The following MEIG1 variants were observed in gnomAD, a reference collection of about 807,000 sequenced individuals.
MEIG1 encodes meiosis/spermiogenesis associated 1.
In MEIG1, 12 loss-of-function variants were observed where a neutral mutation model predicts 11.3. That is an observed-to-expected ratio of 1.07 (90% CI 0.68 to 1.73). The LOEUF is 1.73. Among genes scored for constraint, MEIG1 ranks in the 40% most tolerant of loss-of-function variants. The pLI is 0.00. For missense variants in MEIG1, 119 were observed against 104.9 expected (o/e 1.13, Z -0.59); for synonymous variants, 41 against 33.2 (o/e 1.24, Z -0.81).
chr10:14,968,527 T>A (rs952755902), intron 2 of MEIG1, among the ~76,000 whole-genome samples: 1 of 151,934 alleles, frequency 6.6e-6, no homozygotes, highest in African/African-American at 2.4e-5. Context: ...ATTTTAAAAG[T>A]ACATAGGAAA....
chr10:14,986,883 T>A, exon 2 of MEIG1: 1 of 487,554 alleles, frequency 2.1e-6, no homozygotes, highest in Non-Finnish European at 3.7e-6. Context: ...AGTTGAGAAG[T>A]TGAGAGGGGT....
At chr10:14,976,047 G>T (rs1843206225), downstream of MEIG1, among the ~76,000 whole-genome samples, 1 of 152,152 alleles carries the variant, frequency 6.6e-6, no homozygotes, top group African/African-American at 2.4e-5. Context: ...ATATCCAGGG[G>T]GGGACCGGGG....
chr10:14,976,490 G>A (rs549743424), downstream of MEIG1, among the ~76,000 whole-genome samples: 27 of 152,118 alleles, frequency 1.8e-4, no homozygotes, highest in East Asian at 3.5e-3. Context: ...ATATCCTAGA[G>A]GGATGTCACC....
chr10:14,963,381 C>T (rs1225611402), intron 1 of MEIG1, among the ~76,000 whole-genome samples: 1 of 152,232 alleles, frequency 6.6e-6, no homozygotes, highest in Non-Finnish European at 1.5e-5. Flanking sequence ...AGGCGTGAGC[C>T]ACCACGCCCA....
At chr10:14,970,212 C>G (rs1057460109) in intron 2 of MEIG1, 1 of 152,164 alleles carries the variant, frequency 6.6e-6, no homozygotes, top group Non-Finnish European at 1.5e-5. Context: ...AGGGGAAAGT[C>G]CTTGAACTTG....
chr10:14,958,883 G>T (rs530302530), upstream of MEIG1, among the ~76,000 whole-genome samples: 2 of 151,896 alleles, frequency 1.3e-5, no homozygotes, highest in African/African-American at 4.8e-5. Context: ...GCGACGGAGC[G>T]AGACTCCGTC....
chr10:14,958,607 T>G (rs939846850), upstream of MEIG1, among the ~76,000 whole-genome samples: 4 of 152,162 alleles, frequency 2.6e-5, no homozygotes, highest in Admixed American at 1.3e-4. Context: ...ATTCAAAACA[T>G]GTAAATTGGC....
At chr10:14,954,231 G>A in the MEIG1 span, 2 of 685,832 alleles carry the variant, frequency 2.9e-6, no homozygotes, top group South Asian at 1.7e-5. Flanking sequence ...CCCGCGCTTC[G>A]CTGCACGCGA....
At chr10:14,984,752 T>G (rs150400885) in intron 1 of MEIG1, among the ~76,000 whole-genome samples, 3,729 of 152,132 alleles carry the variant, frequency 0.025, 50 homozygotes, top group Non-Finnish European at 0.035. Context: ...GTCACAGAGG[T>G]TGTACACCTT....
intron 1 of MEIG1, among the ~76,000 whole-genome samples, chr10:14,966,022 T>C (rs1423239933): frequency 3.9e-5 from 6 of 152,070 alleles, no homozygotes; most frequent in Admixed American, 1.3e-4. Flanking sequence ...TTTAATGGGA[T>C]TCTCAACTCT....
intron 2 of MEIG1, among the ~76,000 whole-genome samples, chr10:14,969,461 G>T (rs1843125204): frequency 6.8e-6 from 1 of 146,320 alleles, no homozygotes; most frequent in Non-Finnish European, 1.5e-5. Context: ...AAAAAAAAAA[G>T]AAAAAAGGAA....
intron 1 of MEIG1, among the ~76,000 whole-genome samples, chr10:14,963,270 A>G (rs556300997): frequency 2.1e-3 from 319 of 150,610 alleles, no homozygotes; most frequent in Middle Eastern, 0.011. Context: ...CTAATTTTGT[A>G]TTTTTAGTAG....
At chr10:14,984,217 A>AC (rs780003044) in intron 1 of MEIG1, among the ~76,000 whole-genome samples, 4 of 138,816 alleles carry the variant, frequency 2.9e-5, no homozygotes, top group South Asian at 4.7e-4. Context: ...GGGGGAGCCC[A>AC]CCCCCCTGCG....
chr10:14,968,496 A>T (rs1003284423), intron 2 of MEIG1, among the ~76,000 whole-genome samples: 32 of 152,228 alleles, frequency 2.1e-4, no homozygotes, highest in Admixed American at 4.6e-4. Context: ...TCAAATAAAT[A>T]AATTAATTAA....
intron 1 of MEIG1, among the ~76,000 whole-genome samples, chr10:14,981,770 T>A (rs1329474170): frequency 6.6e-6 from 1 of 152,212 alleles, no homozygotes; most frequent in Non-Finnish European, 1.5e-5. Context: ...CAATGTCCTA[T>A]TTCTTTCCAA....
chr10:14,964,132 C>G (rs532699774), intron 1 of MEIG1, among the ~76,000 whole-genome samples: 205 of 150,644 alleles, frequency 1.4e-3, no homozygotes, highest in African/African-American at 4.5e-3. Flanking sequence ...AATATAAACA[C>G]TATAATATTT....
chr10:14,979,182 A>T (rs1843240091), intron 1 of MEIG1, among the ~76,000 whole-genome samples: 1 of 151,876 alleles, frequency 6.6e-6, no homozygotes. Context: ...TTTAAATATC[A>T]CAAAGGTTGT....
downstream of MEIG1, among the ~76,000 whole-genome samples, chr10:14,976,132 G>A (rs1455422527): frequency 6.6e-6 from 1 of 151,688 alleles, no homozygotes; most frequent in Non-Finnish European, 1.5e-5. Flanking sequence ...GGTGGGGAGA[G>A]GGGGTTGATA....
chr10:14,973,638 C>T (rs890725329), downstream of MEIG1, among the ~76,000 whole-genome samples: 1 of 151,854 alleles, frequency 6.6e-6, no homozygotes, highest in African/African-American at 2.4e-5. Flanking sequence ...GGAGTGGTGG[C>T]GGCTGCCTGT....
Sources: gnomAD v4.1 joint callset for allele counts (sites outside exome capture counted in the v4.1 genomes callset) on GRCh38, gnomAD v4.1.1 for gene constraint, MANE v1.5 for transcripts, NCBI Gene and HGNC (gene_info 2026-07-23, HGNC 2026-07-21) for gene names.